Variants in DMTF1 observed in about 807,000 individuals in gnomAD.
DMTF1 encodes the protein cyclin-D-binding Myb-like transcription factor 1.
A neutral mutation model predicts 91.1 loss-of-function variants in DMTF1; 39 were observed. The ratio of observed to expected loss-of-function variants is 0.43; its 90% CI spans 0.33 to 0.56. The LOEUF is 0.56. Ranked by LOEUF, DMTF1 falls within the 20% of genes least tolerant of loss-of-function variation. The probability of loss-of-function intolerance (pLI) is 0.05; values close to 1 mark genes in which losing one functional copy is unlikely to be tolerated. For missense variants in DMTF1, 750 were observed against 914.5 expected, an observed-to-expected ratio of 0.82 and a Z score of 2.32; for synonymous variants, 338 against 309.5, an observed-to-expected ratio of 1.09 and a Z score of -0.97.
chr7:87,180,318 A>G (rs529137521), intron 8 of DMTF1, among the ~76,000 whole-genome samples: 58 of 152,354 alleles, frequency 3.8e-4, no homozygotes, highest in African/African-American at 1.3e-3. Context: ...TAATGAAAGT[A>G]CATTTGAAAG....
chr7:87,163,983 T>C (rs1363828423), intron 2 of DMTF1, among the ~76,000 whole-genome samples: 2 of 148,102 alleles, frequency 1.4e-5, no homozygotes, highest in African/African-American at 5.0e-5. Context: ...TTCAAGGCTC[T>C]AGGACCCTTA....
At position 87,191,037 on chromosome 7, in the gene DMTF1, G is replaced by A. The variant is rs750704921; in HGVS notation, c.1494+10G>A. Reference sequence around the variant, plus strand: ...ATTTGAGATTCTTCCCGTGAGTAACGCTTCATATATATTGGCCATTTTTAT... The same window carrying A: ...ATTTGAGATTCTTCCCGTGAGTAACACTTCATATATATTGGCCATTTTTAT... On this transcript the variant is annotated intron_variant, in intron 14 of 17. Coordinates refer to ENST00000331242, the MANE Select transcript of DMTF1 (RefSeq NM_001142327.2). The A allele has an allele frequency of 1.0e-5, 16 of 1,551,342 alleles. No individual in the cohort carries two copies. Among genetic ancestry groups the A allele is most frequent in the Admixed American group, 1.7e-5 (1 of 57,176 alleles).
chr7:87,188,038 GAT>G, intron 12 of DMTF1, 52 bp from the exon 13 acceptor site: 2 of 1,465,054 alleles, frequency 1.4e-6, no homozygotes, highest in Non-Finnish European at 1.9e-6. Context: ...TTGCTGCTTA[GAT>G]GGTGGTCTGT....
chr7:87,190,157 C>G (rs185416941), intron 13 of DMTF1, among the ~76,000 whole-genome samples: 1 of 152,112 alleles, frequency 6.6e-6, no homozygotes, highest in African/African-American at 2.4e-5. Context: ...AAGTCTGATC[C>G]TCAGTTGACA....
chr7:87,183,192 C>T (rs1000935574), intron 10 of DMTF1, among the ~76,000 whole-genome samples: 24 of 152,242 alleles, frequency 1.6e-4, no homozygotes, highest in Non-Finnish European at 2.6e-4. Flanking sequence ...TGCTTAACTA[C>T]TGCACTATCA....
At chr7:87,194,881 A>T (rs73208511) in intron 17 of DMTF1, 53 bp downstream of exon 17, 51,959 of 1,546,218 alleles carry the variant, frequency 0.034, 968 homozygotes, top group East Asian at 0.059. Context: ...ATGGAAAAAA[A>T]CAGACATTTA....
intron 4 of DMTF1, 31 bp from the exon 5 acceptor site, chr7:87,170,964 T>C: frequency 7.1e-7 from 1 of 1,411,940 alleles, no homozygotes; most frequent in East Asian, 2.3e-5. Flanking sequence ...GCCGTTATTA[T>C]TCTGGAGATG....
chr7:87,187,989 A>T, intron 12 of DMTF1, 103 bp from the exon 13 acceptor site: 1 of 797,612 alleles, frequency 1.3e-6, no homozygotes, highest in Non-Finnish European at 2.1e-6. Context: ...GCAGTTATTT[A>T]TTCCAAATAC....
rs923303286 is a variant in DMTF1, at chr7:87,194,790, T to C, written c.2135T>C (p.Ile712Thr). The C allele has an allele frequency of 5.6e-6, 9 of 1,612,094 alleles. No individual in the cohort carries two copies. Among genetic ancestry groups the C allele is most frequent in the East Asian group, 2.2e-5 (1 of 44,776 alleles). ...PHGFIQASDV[I>T]DTESVLPLTT... is the part of the protein sequence containing the mutation. ...GGCTTTATCCAGGCATCTGATGTTA[T>C]AGATACTGAATCTGTCTTGCCTTTG... Residue 712 changes from isoleucine to threonine, a missense_variant, in exon 17 of 18, where the codon ATA (isoleucine) becomes ACA (threonine). By Grantham distance (89) the Ile-to-Thr change is moderately conservative. Coordinates refer to ENST00000331242, the MANE Select transcript of DMTF1 (RefSeq NM_001142327.2).
chr7:87,154,153 T>C (rs1205425501), intron 1 of DMTF1: 2 of 152,226 alleles, frequency 1.3e-5, no homozygotes, highest in Admixed American at 6.5e-5. Context: ...TAAAGCTACA[T>C]TCCTTAACGT....
intron 4 of DMTF1, among the ~76,000 whole-genome samples, chr7:87,166,816 CT>C (rs796425514): frequency 4.0e-4 from 60 of 148,610 alleles, no homozygotes; most frequent in African/African-American, 1.4e-3. Context: ...TCTTCCCAAC[CT>C]TTTTTTTTTC....
At chr7:87,156,028 C>T (rs1790617482) in intron 1 of DMTF1, among the ~76,000 whole-genome samples, 1 of 152,004 alleles carries the variant, frequency 6.6e-6, no homozygotes, top group Admixed American at 6.6e-5. Flanking sequence ...AGTAAATGTG[C>T]TTTAAAAATT....
At chr7:87,158,055 A>T (rs533662309) in intron 1 of DMTF1, among the ~76,000 whole-genome samples, 129 of 152,208 alleles carry the variant, frequency 8.5e-4, no homozygotes, top group African/African-American at 2.9e-3. Context: ...ATAACAATCT[A>T]AGTAGTCATA....
chr7:87,165,787 T>C (rs1330946689), intron 3 of DMTF1, among the ~76,000 whole-genome samples: 2 of 152,172 alleles, frequency 1.3e-5, no homozygotes, highest in Non-Finnish European at 2.9e-5. Context: ...AGATCATGAA[T>C]GTGGTTGGGA....
intron 11 of DMTF1, 40 bp from the exon 12 acceptor site, chr7:87,185,789 A>G: frequency 1.9e-6 from 3 of 1,610,900 alleles, no homozygotes; most frequent in Admixed American, 1.7e-5. Flanking sequence ...TTATAGAGAA[A>G]TTAATTTAAT....
At chr7:87,186,101 C>A (rs1395637931) in intron 12 of DMTF1, 121 bp downstream of exon 12, 5 of 1,020,242 alleles carry the variant, frequency 4.9e-6, no homozygotes, top group Non-Finnish European at 5.9e-6. Flanking sequence ...CTACTTACAC[C>A]ACTTCCCTGT....
At chr7:87,183,871 G>A (rs921298675) in intron 10 of DMTF1, among the ~76,000 whole-genome samples, 1 of 152,178 alleles carries the variant, frequency 6.6e-6, no homozygotes, top group African/African-American at 2.4e-5. Context: ...CAGTAGCTTG[G>A]AGTTGGGATA....
chr7:87,173,535 AT>A lies in DMTF1; in HGVS notation c.332del (p.Leu111CysfsTer6). The A allele has an allele frequency of 6.3e-7, 1 of 1,595,522 alleles. No individual in the cohort carries two copies. Among genetic ancestry groups the A allele is most frequent in the South Asian group, 1.1e-5 (1 of 88,234 alleles). On this transcript the variant is annotated frameshift_variant and splice_region_variant, in exon 6 of 18. Transcript: ENST00000331242. LOFTEE classifies it high-confidence loss of function. ...TTTGTTTTACTTTTACCTTTTCAAGATTTTGCAGAATGAGCAACTAGATGAA... is the reference window on the plus strand; with the variant it reads ...TTTGTTTTACTTTTACCTTTTCAAGATTTGCAGAATGAGCAACTAGATGAA... ...VTEGTVTQIQ[I>X]LQNEQLDEIS...
chr7:87,177,352 AATTT>A (rs1796480004), intron 7 of DMTF1, among the ~76,000 whole-genome samples: 1 of 151,882 alleles, frequency 6.6e-6, no homozygotes. Flanking sequence ...TTATGGTTTT[AATTT>A]ATTTCTCTGA....
Sources: gnomAD v4.1 joint callset for allele counts (sites outside exome capture counted in the v4.1 genomes callset) on GRCh38, gnomAD v4.1.1 for gene constraint, MANE v1.5 for transcripts, NCBI Gene and HGNC (gene_info 2026-07-23, HGNC 2026-07-21) for gene names.